GFRA1: variants seen among roughly 807,000 people sequenced by gnomAD.
GFRA1 encodes the protein GDNF family receptor alpha 1.
Under a neutral mutation model 51.6 loss-of-function variants are expected in GFRA1, and 16 were observed. That is an observed-to-expected ratio of 0.31 (90% CI 0.21 to 0.47). The LOEUF (loss-of-function observed/expected upper bound fraction) is 0.47, where lower values mean the gene tolerates loss of function less well. Ranked by LOEUF, GFRA1 falls within the 20% of genes least tolerant of loss-of-function variation. The pLI, the probability that GFRA1 is intolerant of heterozygous loss-of-function variation, is 1.00. For missense variants in GFRA1, 530 were observed against 594.3 expected (o/e 0.89, Z 1.13); for synonymous variants, 270 against 241.3 (o/e 1.12, Z -1.10).
chr10:116,168,415 CAG>C (rs927666392), intron 5 of GFRA1, among the ~76,000 whole-genome samples: 10 of 152,166 alleles, frequency 6.6e-5, no homozygotes, highest in African/African-American at 2.2e-4. Flanking sequence ...GTGATCAAAA[CAG>C]AGTTTCCATA....
At chr10:116,236,168 C>A (rs1009935437) in intron 4 of GFRA1, among the ~76,000 whole-genome samples, 17 of 152,120 alleles carry the variant, frequency 1.1e-4, no homozygotes, top group Admixed American at 3.3e-4. Context: ...ACATGGACAA[C>A]CCCTAGTGCC....
chr10:116,183,133 A>G (rs1962391984), intron 5 of GFRA1, among the ~76,000 whole-genome samples: 1 of 152,202 alleles, frequency 6.6e-6, no homozygotes, highest in Admixed American at 6.5e-5. Flanking sequence ...CAAGTACAGC[A>G]AGTGTTGATC....
intron 5 of GFRA1, among the ~76,000 whole-genome samples, chr10:116,201,174 C>T (rs952329997): frequency 1.3e-5 from 2 of 152,050 alleles, no homozygotes; most frequent in African/African-American, 4.8e-5. Flanking sequence ...ATTCCATCCA[C>T]TCAGGGGTAT....
intron 6 of GFRA1, among the ~76,000 whole-genome samples, chr10:116,098,186 T>C (rs1488456456): frequency 6.6e-6 from 1 of 152,200 alleles, no homozygotes; most frequent in African/African-American, 2.4e-5. Context: ...GCACAGCACC[T>C]GACACTCCTC....
At chr10:116,194,891 C>T (rs1165719737) in intron 5 of GFRA1, among the ~76,000 whole-genome samples, 2 of 152,142 alleles carry the variant, frequency 1.3e-5, no homozygotes, top group East Asian at 1.9e-4. Flanking sequence ...GGAAAGAAGG[C>T]AGACAAGGAA....
At chr10:116,093,517 C>G (rs755990000) in intron 8 of GFRA1, among the ~76,000 whole-genome samples, 185 bp downstream of exon 8, 2 of 152,044 alleles carry the variant, frequency 1.3e-5, no homozygotes, top group Non-Finnish European at 2.9e-5. Flanking sequence ...ACAAAAGGAG[C>G]TGGATTTACC....
chr10:116,072,729 C>A (rs1955457244), intron 9 of GFRA1, among the ~76,000 whole-genome samples: 1 of 152,068 alleles, frequency 6.6e-6, no homozygotes, highest in African/African-American at 2.4e-5. Context: ...CCACTGCACT[C>A]CAGCCTGGGT....
chr10:116,226,900 C>T (rs1012426431), intron 4 of GFRA1: 19 of 176,948 alleles, frequency 1.1e-4, no homozygotes, highest in Admixed American at 9.1e-4. Context: ...AAAGGGTTCG[C>T]GCTCCTATGA....
In GFRA1 at chr10:116,209,976, T is replaced by G. The variant is rs75864452; in HGVS notation, c.433+1655A>C. On this transcript the variant is annotated intron_variant, in intron 5 of 10. Transcript: ENST00000355422. ...ACCTTATAAGGGAGCGGCCGCCCAC[T>G]GACACACAGAGCAACGGGTAGCTTG... is the stretch of plus-strand genomic sequence containing the variant. 7.2e-5 allele frequency among the ~76,000 whole-genome samples: 11 copies of G among 152,310 alleles called. No individual in the cohort carries two copies. The East Asian group carries it at 2.1e-3, about 29-fold the overall frequency.
rs115925739 is a variant in GFRA1, at chr10:116,217,804, A to G, written c.419-6159T>C. ...TTTTGCGGAGACAAAATTTGCTATG[A>G]AGACTGAATGAGAGATTGCCTATAA... On this transcript the variant is annotated intron_variant, in intron 4 of 10. Coordinates refer to ENST00000355422, the MANE Select transcript of GFRA1 (RefSeq NM_005264.8). Among the ~76,000 whole-genome samples, 1,478 of 152,270 alleles carry G rather than the reference A, an allele frequency of 9.7e-3. 26 individuals carry two copies. Among genetic ancestry groups the G allele is most frequent in the African/African-American group, 0.033 (1,373 of 41,558 alleles).
In GFRA1 at chr10:116,058,041, T is replaced by TGTGAGA. The variant is rs557175351; in HGVS notation, c.*6356_*6357insTCTCAC. On this transcript the variant is annotated 3_prime_UTR_variant, in exon 11 of 11. Coordinates refer to ENST00000355422, the MANE Select transcript of GFRA1 (RefSeq NM_005264.8). ...GTGTGTGTGTGTGTGTGTGTGTGTG[T>TGTGAGA]GACAGAGAGAACCACGCTTTATTGG... 9.2e-6 allele frequency: 1 copy of TGTGAGA among 108,444 alleles called. No individual in the cohort carries two copies. The highest frequency in any genetic ancestry group is 1.9e-5 in the Non-Finnish European group (1 of 53,526). 6.7% of individuals were successfully genotyped at this position (108,444 alleles called of 1,614,324 possible).
At chr10:116,233,829 T>TA (rs1210723944) in intron 4 of GFRA1, among the ~76,000 whole-genome samples, 1 of 152,214 alleles carries the variant, frequency 6.6e-6, no homozygotes, top group Non-Finnish European at 1.5e-5. Flanking sequence ...AAATTATGTC[T>TA]AAAGGCCCAT....
intron 8 of GFRA1, among the ~76,000 whole-genome samples, chr10:116,092,930 C>T (rs768626785): frequency 2.0e-5 from 3 of 152,310 alleles, no homozygotes; most frequent in African/African-American, 7.2e-5. Context: ...GGTGGATATA[C>T]GTGAGTCCTG....
intron 5 of GFRA1, among the ~76,000 whole-genome samples, chr10:116,152,040 T>C (rs1308006766): frequency 6.6e-6 from 1 of 152,158 alleles, no homozygotes; most frequent in Non-Finnish European, 1.5e-5. Flanking sequence ...AGGAGACTGC[T>C]GTGTCTGGAG....
At chr10:116,093,587 C>T (rs1440790115) in intron 8 of GFRA1, 115 bp downstream of exon 8, 2 of 892,318 alleles carry the variant, frequency 2.2e-6, no homozygotes, top group African/African-American at 1.7e-5. Context: ...GCACAAGGTA[C>T]AAGAGGTACA....
At chr10:116,187,416 TC>T (rs1221696522) in intron 5 of GFRA1, among the ~76,000 whole-genome samples, 1 of 152,144 alleles carries the variant, frequency 6.6e-6, no homozygotes, top group Non-Finnish European at 1.5e-5. Flanking sequence ...CTCAGTGACA[TC>T]CCTTCTAAAA....
At chr10:116,212,938 C>T (rs1254888397) in intron 4 of GFRA1, among the ~76,000 whole-genome samples, 1 of 152,164 alleles carries the variant, frequency 6.6e-6, no homozygotes, top group African/African-American at 2.4e-5. Flanking sequence ...GCTTATACCG[C>T]CTCCCACTCA....
chr10:116,206,309 A>G (rs994088036), intron 5 of GFRA1, among the ~76,000 whole-genome samples: 24 of 152,180 alleles, frequency 1.6e-4, no homozygotes, highest in Non-Finnish European at 7.3e-5. Flanking sequence ...TCGCAGCTTT[A>G]TAATAGATGG....
At position 116,270,872 on chromosome 10, in the gene GFRA1, T is replaced by C. The variant is rs1843861285; in HGVS notation, c.284A>G (p.Lys95Arg). The C allele has an allele frequency of 1.2e-6, 2 of 1,613,874 alleles. No homozygotes were observed. Among genetic ancestry groups the C allele is most frequent in the African/African-American group, 1.3e-5 (1 of 74,952 alleles). Reference sequence around the variant, plus strand: ...GTAAATGCGCAGGCAGTTCTTCTCCTTCTTCATACCCCGCTTGCAGCGGCA... The same window carrying C: ...GTAAATGCGCAGGCAGTTCTTCTCCCTCTTCATACCCCGCTTGCAGCGGCA... Reference protein sequence around the residue: ...YNCRCKRGMKKEKNCLRIYWS... With the variant: ...YNCRCKRGMKREKNCLRIYWS... Residue 95 changes from lysine (K) to arginine (R), a missense_variant, in exon 3 of 11, where the codon AAG becomes AGG. Transcript: ENST00000355422.
Sources: allele counts gnomAD v4.1 joint callset (sites outside exome capture counted in the v4.1 genomes callset), GRCh38; gene constraint gnomAD v4.1.1; transcripts MANE v1.5; gene names NCBI Gene and HGNC (gene_info 2026-07-23, HGNC 2026-07-21).